LRRC74B: variants seen among roughly 807,000 people sequenced by gnomAD.
LRRC74B encodes leucine-rich repeat-containing protein 74B.
A neutral mutation model predicts 16.6 loss-of-function variants in LRRC74B; 30 were observed. The observed-to-expected ratio is 1.80, with a 90% confidence interval of 1.35 to 2.45. The LOEUF is 2.45. LRRC74B is among the 30% of genes most tolerant of loss of function. The pLI, the probability that LRRC74B is intolerant of heterozygous loss-of-function variation, is 0.00. For synonymous variants in LRRC74B, 134 were observed against 86.0 expected, an observed-to-expected ratio of 1.56 and a Z score of -3.09; for missense variants, 326 against 202.4, an observed-to-expected ratio of 1.61 and a Z score of -3.71.
rs1451853364 is a variant in LRRC74B, at chr22:21,055,184, C to T, written c.927+8C>T. The T allele has an allele frequency of 4.2e-6, 3 of 714,868 alleles. No individual in the cohort carries two copies. Among genetic ancestry groups the T allele is most frequent in the Non-Finnish European group, 7.8e-6 (3 of 384,892 alleles). 44.3% of individuals were successfully genotyped at this position (714,868 alleles called of 1,614,324 possible). A position where few individuals can be genotyped will look rare whatever the true frequency, so the allele number is the denominator to read the frequency against. ...ACGCTGAGGATTCTTGTAGTGAGTG[C>T]TAGCCTGATGACTGAGACACCAGCA... On this transcript the variant is annotated splice_region_variant and intron_variant, in intron 7 of 8. Transcript: ENST00000442047.
At chr22:21,058,152 C>T (rs906443142) in intron 8 of LRRC74B, among the ~76,000 whole-genome samples, 8 of 151,528 alleles carry the variant, frequency 5.3e-5, no homozygotes, top group African/African-American at 9.7e-5. Flanking sequence ...CCACCCACCT[C>T]GGCCTTCCAA....
intron 4 of LRRC74B, among the ~76,000 whole-genome samples, chr22:21,050,100 G>A (rs191823066): frequency 2.6e-5 from 4 of 152,202 alleles, no homozygotes; most frequent in African/African-American, 9.6e-5. Flanking sequence ...GCAATGGTGT[G>A]ATCTCTGCTC....
At chr22:21,054,223 G>A (rs1332296973) in intron 6 of LRRC74B, among the ~76,000 whole-genome samples, 2 of 152,228 alleles carry the variant, frequency 1.3e-5, no homozygotes, top group Non-Finnish European at 2.9e-5. Context: ...GTACTTGGGA[G>A]GCTGAGGCAG....
chr22:21,050,408 G>T (rs1308213808), intron 4 of LRRC74B, among the ~76,000 whole-genome samples: 2 of 152,076 alleles, frequency 1.3e-5, no homozygotes, highest in African/African-American at 2.4e-5. Context: ...GCCTTGGCCT[G>T]TGAGAATTGC....
At chr22:21,062,360 A>T (rs559265081), downstream of LRRC74B, 10 of 152,336 alleles carry the variant, frequency 6.6e-5, no homozygotes, top group East Asian at 1.9e-4. Context: ...GGTATGTGAA[A>T]TACATCTCAA....
At chr22:21,057,014 C>T (rs1363593478) in intron 7 of LRRC74B, 91 bp from the exon 8 acceptor site, 9 of 676,982 alleles carry the variant, frequency 1.3e-5, no homozygotes, top group Non-Finnish European at 2.4e-5. Context: ...TGGCTGTGTC[C>T]TCAGAGATGA....
Position 21,052,310 on chromosome 22 carries a change from G to C in LRRC74B, c.684G>C (p.Trp228Cys), listed in dbSNP as rs897938200. Residue 228 changes from tryptophan to cysteine, a missense_variant, in exon 5 of 9, where the codon TGG becomes TGC. By Grantham distance (215) the Trp-to-Cys change is radical (BLOSUM62 -2). Transcript: ENST00000442047. ...GACTCACCGAGCTTAACGTGAGCTG[G>C]AATCACCTCCGGGGCCCAGGAGCTG... 7.0e-6 allele frequency: 5 copies of C among 717,450 alleles called. No homozygotes were observed. In the African/African-American group the frequency reaches 8.7e-5, roughly 13 times the overall value. The allele number at this position is 717,450 out of a possible 1,614,324, so 44.4% of individuals were successfully genotyped here.
chr22:21,050,012 A>G (rs1385443405), intron 4 of LRRC74B, among the ~76,000 whole-genome samples: 5 of 152,052 alleles, frequency 3.3e-5, no homozygotes, highest in Admixed American at 6.5e-5. Flanking sequence ...TCTGTATTTT[A>G]ATGGTTGCCC....
In LRRC74B at chr22:21,048,946, C is replaced by T. The variant is rs370280612; in HGVS notation, c.416-5C>T. The T allele has an allele frequency of 2.8e-6, 2 of 716,018 alleles. No individual in the cohort carries two copies. 44.4% of individuals were successfully genotyped at this position (716,018 alleles called of 1,614,324 possible). A position where few individuals can be genotyped will look rare whatever the true frequency, so the allele number is the denominator to read the frequency against. On this transcript the variant is annotated splice_region_variant and splice_polypyrimidine_tract_variant and intron_variant, in intron 3 of 8. Transcript: ENST00000442047. ...CACTGGCCGAGGAGTGGTTCTGTCC[C>T]CCAGATGTGGACCTGTCGGAGAACC...
chr22:21,052,906 C>A (rs1006566866), intron 5 of LRRC74B, among the ~76,000 whole-genome samples: 1 of 152,230 alleles, frequency 6.6e-6, no homozygotes, highest in Admixed American at 6.5e-5. Flanking sequence ...TGGGGTCCTG[C>A]CCCACAAGAT....
Position 21,057,248 on chromosome 22 carries a change from T to C in LRRC74B, c.1023+48T>C, listed in dbSNP as rs746371198. 27 of 703,800 alleles carry C rather than the reference T, an allele frequency of 3.8e-5. 2 individuals carry two copies. The South Asian group carries it at 4.1e-4, about 11-fold the overall frequency. The allele number at this position is 703,800 out of a possible 1,614,324, so 43.6% of individuals were successfully genotyped here. On this transcript the variant is annotated intron_variant, in intron 8 of 8. Transcript: ENST00000442047. Reference sequence around the variant, plus strand: ...GTTTCTGATCCTCCCAGCAGCCCTGTGAGGTATCATAATTTTAGAAGAAGA... The same window carrying C: ...GTTTCTGATCCTCCCAGCAGCCCTGCGAGGTATCATAATTTTAGAAGAAGA...
At chr22:21,053,424 C>T (rs1216360992) in exon 6 of LRRC74B, 11 of 717,388 alleles carry the variant, frequency 1.5e-5, no homozygotes, top group East Asian at 2.7e-5. Flanking sequence ...GGAGCCTCTG[C>T]GGTGGGTGAG....
At chr22:21,056,596 GCACACACACACACACACACACACACACA>G (rs747195504) in intron 7 of LRRC74B, 1 of 140,230 alleles carries the variant, frequency 7.1e-6, no homozygotes, top group Non-Finnish European at 1.5e-5. Context: ...CAAGCTTGGA[GCACACACACACACACACACACACACACA>G]CACACACACA....
At chr22:21,050,062 A>G (rs908838639) in intron 4 of LRRC74B, among the ~76,000 whole-genome samples, 5 of 152,070 alleles carry the variant, frequency 3.3e-5, no homozygotes. Flanking sequence ...TTTGAGACAG[A>G]GTCTCGCTCT....
At chr22:21,051,252 G>A (rs1436053982) in intron 4 of LRRC74B, among the ~76,000 whole-genome samples, 1 of 152,184 alleles carries the variant, frequency 6.6e-6, no homozygotes, top group African/African-American at 2.4e-5. Flanking sequence ...TGGCTCTTCT[G>A]CAGGCGCTTT....
intron 4 of LRRC74B, 119 bp from the exon 5 acceptor site, chr22:21,052,130 T>G: frequency 4.5e-6 from 3 of 667,342 alleles, no homozygotes; most frequent in Non-Finnish European, 5.6e-6. Flanking sequence ...CAGGCCCACA[T>G]TAGTTTCATG....
intron 6 of LRRC74B, chr22:21,054,135 A>G (rs1930289700): frequency 6.6e-6 from 1 of 152,294 alleles, no homozygotes; most frequent in African/African-American, 2.4e-5. Context: ...AGACCAGGCT[A>G]GGCAATATAG....
At chr22:21,056,352 A>T (rs1930515241) in intron 7 of LRRC74B, among the ~76,000 whole-genome samples, 1 of 151,934 alleles carries the variant, frequency 6.6e-6, no homozygotes, top group Non-Finnish European at 1.5e-5. Flanking sequence ...AAACAAAAAG[A>T]TGAGCCAGAT....
chr22:21,047,765 C>G (rs2148133385), intron 2 of LRRC74B, 119 bp from the exon 3 acceptor site: 1 of 647,786 alleles, frequency 1.5e-6, no homozygotes, highest in Middle Eastern at 4.1e-4. Flanking sequence ...AAAGGAGAAG[C>G]AGGTGTCACT....
Sources: gnomAD v4.1 joint callset for allele counts (sites outside exome capture counted in the v4.1 genomes callset) on GRCh38, gnomAD v4.1.1 for gene constraint, MANE v1.5 for transcripts, NCBI Gene and HGNC (gene_info 2026-07-23, HGNC 2026-07-21) for gene names.